The following NIPBL variants were observed in gnomAD, a reference collection of about 807,000 sequenced individuals.
NIPBL encodes NIPBL cohesin loading factor, also known as nipped-B-like protein.
A neutral mutation model predicts 321.8 loss-of-function variants in NIPBL; 19 were observed. The ratio of observed to expected loss-of-function variants is 0.06; its 90% confidence interval spans 0.04 to 0.09. The LOEUF (loss-of-function observed/expected upper bound fraction) is 0.09, where lower values mean the gene tolerates loss of function less well. NIPBL is among the 10% of genes least tolerant of loss of function. The pLI is 1.00. For missense variants in NIPBL, 2,210 were observed against 3,327.0 expected, an observed-to-expected ratio of 0.66 and a Z score of 8.26; for synonymous variants, 1,106 against 1,114.1, an observed-to-expected ratio of 0.99 and a Z score of 0.14.
chr5:37,011,508 T>C (rs1016192350), intron 21 of NIPBL, among the ~76,000 whole-genome samples: 10 of 152,144 alleles, frequency 6.6e-5, no homozygotes, highest in African/African-American at 2.4e-4. Context: ...TGAGCCGAGA[T>C]TGTGCCACTG....
At chr5:36,900,383 A>T (rs114226824) in intron 1 of NIPBL, among the ~76,000 whole-genome samples, 2,118 of 152,280 alleles carry the variant, frequency 0.014, 56 homozygotes, top group African/African-American at 0.049. Context: ...TGAATTTCAT[A>T]TCTACAGGGA....
At chr5:36,995,369 T>C (rs1746019604) in intron 10 of NIPBL, 2 of 333,332 alleles carry the variant, frequency 6.0e-6, no homozygotes, top group South Asian at 1.0e-4. Context: ...AAATGTATTA[T>C]ATAATTACCC....
intron 27 of NIPBL, 112 bp from the exon 28 acceptor site, chr5:37,021,939 G>C: frequency 1.2e-6 from 1 of 825,736 alleles, no homozygotes; most frequent in South Asian, 1.5e-5. Context: ...TTTATATACA[G>C]ATTAAAGAGA....
At chr5:37,057,400 G>T in intron 43 of NIPBL, 68 bp downstream of exon 43, 2 of 1,438,032 alleles carry the variant, frequency 1.4e-6, no homozygotes, top group Non-Finnish European at 1.9e-6. Flanking sequence ...TCACTGTTTT[G>T]TTTCTCATTA....
At chr5:36,922,737 G>T (rs950140446) in intron 1 of NIPBL, among the ~76,000 whole-genome samples, 2 of 152,226 alleles carry the variant, frequency 1.3e-5, no homozygotes, top group African/African-American at 2.4e-5. Flanking sequence ...AATTGTTAGG[G>T]TTGTTATGCC....
chr5:36,961,433 C>G (rs747088520), intron 4 of NIPBL, 51 bp from the exon 5 acceptor site: 1 of 1,037,064 alleles, frequency 9.6e-7, no homozygotes, highest in Non-Finnish European at 1.5e-6. Context: ...ATTTAAAGGA[C>G]ACTTTACTGT....
At position 37,065,715 on chromosome 5, in the gene NIPBL, G is replaced by GT. The variant is rs1561235428; in HGVS notation, c.*827dup. The GT allele has an allele frequency of 6.6e-6, 1 of 152,464 alleles. No homozygotes were observed. Among genetic ancestry groups the GT allele is most frequent in the East Asian group, 1.9e-4 (1 of 5,186 alleles). 9.4% of individuals were successfully genotyped at this position (152,464 alleles called of 1,614,324 possible). On this transcript the variant is annotated 3_prime_UTR_variant, in exon 47 of 47. Coordinates refer to ENST00000282516, the MANE Select transcript of NIPBL (RefSeq NM_133433.4). ...GAGGGTGTAAACAATTAACTCCAGG[G>GT]TTTTATTGTATCCTGCAATATTTAG...
At chr5:37,031,783 A>C (rs1337359367) in intron 32 of NIPBL, among the ~76,000 whole-genome samples, 1 of 152,256 alleles carries the variant, frequency 6.6e-6, no homozygotes, top group Non-Finnish European at 1.5e-5. Flanking sequence ...GGAACAGGGT[A>C]TTAATACATA....
At chr5:37,033,685 T>TACACACACACACACACACACACACAC (rs372949399) in intron 32 of NIPBL, among the ~76,000 whole-genome samples, 3 of 65,044 alleles carry the variant, frequency 4.6e-5, no homozygotes, top group African/African-American at 2.7e-4. Context: ...TATATGTACA[T>TACACACACACACACACACACACACAC]ACACACACAC....
In NIPBL at chr5:36,985,449, A is replaced by C. The variant is rs1253646318; in HGVS notation, c.2269A>C (p.Thr757Pro). Residue 757 changes from threonine (T) to proline (P), a missense_variant, in exon 10 of 47, where the codon ACA becomes CCA. This residue lies in a region of NIPBL where 588 missense variants were observed against 564.1 expected (regional missense o/e 1.04). Transcript: ENST00000282516. ...PKQKNEGRPE[T>P]PKHRHDNRRD... ...GCAAAAAAATGAAGGGCGACCTGAAACACCAAAACACAGGCATGACAATAG... is the reference window on the plus strand; with the variant it reads ...GCAAAAAAATGAAGGGCGACCTGAACCACCAAAACACAGGCATGACAATAG... The C allele has an allele frequency of 1.9e-6, 3 of 1,613,626 alleles. No individual in the cohort carries two copies. The African/African-American group carries it at 4.0e-5, about 22-fold the overall frequency.
intron 1 of NIPBL, among the ~76,000 whole-genome samples, chr5:36,936,055 G>A (rs577737555): frequency 6.6e-6 from 1 of 152,174 alleles, no homozygotes; most frequent in African/African-American, 2.4e-5. Context: ...TTATTTGCAG[G>A]GGGTTGAGGG....
At chr5:37,064,126 C>G (rs779455302) in intron 46 of NIPBL, 148 bp downstream of exon 46, 10 of 1,438,090 alleles carry the variant, frequency 7.0e-6, no homozygotes, top group Non-Finnish European at 9.1e-6. Context: ...CTCTACTTAC[C>G]CGTTTATACA....
chr5:37,024,723 G>A lies in NIPBL; in HGVS notation c.5709+4G>A, dbSNP rs370325589. 460 of 1,605,950 alleles carry A rather than the reference G, an allele frequency of 2.9e-4. 4 individuals are homozygous for A. Among genetic ancestry groups the A allele is most frequent in the Non-Finnish European group, 9.0e-5 (106 of 1,175,504 alleles). On this transcript the variant is annotated splice_donor_region_variant and intron_variant, in intron 30 of 46. Transcript: ENST00000282516. ...CAATGATGAAGAGGGCATTAAGGTA[G>A]TGTTGACTGTTTTAAATTTATTTTT...
At chr5:37,035,874 A>G (rs578136292) in intron 32 of NIPBL, among the ~76,000 whole-genome samples, 56 of 152,334 alleles carry the variant, frequency 3.7e-4, no homozygotes, top group African/African-American at 1.3e-3. Context: ...AATGAGCTCT[A>G]TCCTCATCTC....
chr5:37,016,290 C>G (rs547810330), intron 23 of NIPBL, 120 bp downstream of exon 23: 1 of 1,047,128 alleles, frequency 9.5e-7, no homozygotes, highest in Middle Eastern at 2.4e-4. Flanking sequence ...CATTGCATCT[C>G]TTTTTGCATG....
intron 42 of NIPBL, among the ~76,000 whole-genome samples, chr5:37,055,329 C>T (rs1017407507): frequency 4.6e-5 from 6 of 130,302 alleles, no homozygotes; most frequent in South Asian, 2.3e-4. Flanking sequence ...TCCAGCTGAG[C>T]GACAGAGCGA....
chr5:36,951,499 A>G (rs914863976), intron 1 of NIPBL, among the ~76,000 whole-genome samples: 2 of 152,186 alleles, frequency 1.3e-5, no homozygotes, highest in African/African-American at 4.8e-5. Flanking sequence ...GTTTCTTTCC[A>G]TTAATTACTG....
At position 36,877,007 on chromosome 5, in the gene NIPBL, G is replaced by A; in HGVS notation, c.-251G>A. The A allele has an allele frequency of 1.3e-5, 5 of 376,684 alleles. No individual in the cohort carries two copies. The highest frequency in any genetic ancestry group is 3.9e-5 in the East Asian group (1 of 25,908). 23.3% of individuals were successfully genotyped at this position (376,684 alleles called of 1,614,324 possible). A position where few individuals can be genotyped will look rare whatever the true frequency, so the allele number is the denominator to read the frequency against. On this transcript the variant is annotated 5_prime_UTR_variant, in exon 1 of 47. Transcript: ENST00000282516. ...CTATGTGGGAGAAGGAGGAGGAGGAGGAAGAAGAAGCAACGATTTGTCTTC... is the reference window on the plus strand; with the variant it reads ...CTATGTGGGAGAAGGAGGAGGAGGAAGAAGAAGAAGCAACGATTTGTCTTC...
intron 1 of NIPBL, among the ~76,000 whole-genome samples, chr5:36,894,250 G>A (rs1330035086): frequency 6.6e-6 from 1 of 152,004 alleles, no homozygotes; most frequent in East Asian, 1.9e-4. Context: ...AATCAAATTA[G>A]CTCAAGTTCA....
Sources: allele counts gnomAD v4.1 joint callset (sites outside exome capture counted in the v4.1 genomes callset), GRCh38; gene constraint gnomAD v4.1.1; regional missense constraint gnomAD v4.1.1; transcripts MANE v1.5; gene names NCBI Gene and HGNC (gene_info 2026-07-23, HGNC 2026-07-21).